SCLT1: variants seen among roughly 807,000 people sequenced by gnomAD.
SCLT1 encodes the protein sodium channel-associated protein 1.
SCLT1 carries 78 observed loss-of-function variants against 112.8 expected under a neutral mutation model. The observed-to-expected ratio is 0.69, with a 90% confidence interval of 0.58 to 0.83. SCLT1 has a LOEUF of 0.83. Among genes scored for constraint, SCLT1 ranks in the 40% least tolerant of loss-of-function variants. SCLT1 has a pLI of 0.00. For synonymous variants in SCLT1, 257 were observed against 254.7 expected (o/e 1.01, Z -0.09); for missense variants, 747 against 770.4 (o/e 0.97, Z 0.36).
In SCLT1 at chr4:128,999,813, A is replaced by G. The variant is rs1447317648; in HGVS notation, c.427-19T>C. 8.9e-6 allele frequency: 14 copies of G among 1,575,584 alleles called. No homozygotes were observed. Among genetic ancestry groups the G allele is most frequent in the Non-Finnish European group, 1.2e-5 (14 of 1,158,704 alleles). ...TTTTTTCCTATTAAAAAAGTTTGAT[A>G]ACTCATTAAATTATCAGCAGGCTAT... On this transcript the variant is annotated intron_variant, in intron 6 of 20. Coordinates refer to ENST00000281142, the MANE Select transcript of SCLT1 (RefSeq NM_144643.4).
chr4:128,908,846 C>T (rs750881779), intron 18 of SCLT1, among the ~76,000 whole-genome samples: 34 of 152,284 alleles, frequency 2.2e-4, no homozygotes, highest in African/African-American at 6.3e-4. Flanking sequence ...CAGGAAACCA[C>T]GTGTTAAAGA....
chr4:128,947,527 C>T (rs929688988), intron 15 of SCLT1, among the ~76,000 whole-genome samples: 1 of 152,136 alleles, frequency 6.6e-6, no homozygotes, highest in Non-Finnish European at 1.5e-5. Context: ...CATAGCTCTC[C>T]TTTGAAAATC....
downstream of SCLT1, among the ~76,000 whole-genome samples, chr4:128,883,113 T>C (rs1248537438): frequency 7.6e-6 from 1 of 131,210 alleles, no homozygotes; most frequent in Non-Finnish European, 1.5e-5. Flanking sequence ...GCCTCTGTAC[T>C]CCAGCCTGGT....
chr4:128,887,791 A>G (rs924115278), intron 20 of SCLT1, among the ~76,000 whole-genome samples: 1 of 152,184 alleles, frequency 6.6e-6, no homozygotes, highest in African/African-American at 2.4e-5. Flanking sequence ...GACAACTTTT[A>G]TATTGTATTT....
At chr4:128,987,289 G>A (rs1454006189) in intron 9 of SCLT1, among the ~76,000 whole-genome samples, 1 of 152,132 alleles carries the variant, frequency 6.6e-6, no homozygotes, top group Non-Finnish European at 1.5e-5. Flanking sequence ...CTCAGATACC[G>A]ATGAGCATCC....
At chr4:129,083,187 A>G (rs1579965148) in intron 1 of SCLT1, among the ~76,000 whole-genome samples, 1 of 15,796 alleles carries the variant, frequency 6.3e-5, no homozygotes, top group African/African-American at 7.1e-5. Context: ...TGAGACTCTG[A>G]AAAAAAAAAA....
At chr4:128,948,811 T>C (rs748157631) in intron 14 of SCLT1, among the ~76,000 whole-genome samples, 1 of 152,090 alleles carries the variant, frequency 6.6e-6, no homozygotes, top group Non-Finnish European at 1.5e-5. Context: ...GTTGGGGGAT[T>C]CCAGGGAGAA....
At chr4:129,088,879 A>C (rs1579982980) in intron 1 of SCLT1, among the ~76,000 whole-genome samples, 2 of 152,266 alleles carry the variant, frequency 1.3e-5, no homozygotes, top group East Asian at 1.9e-4. Flanking sequence ...CTTAAATGTA[A>C]GACCTAAAAC....
intron 9 of SCLT1, among the ~76,000 whole-genome samples, chr4:128,978,883 G>GAAATAA (rs1335740125): frequency 2.8e-4 from 43 of 152,180 alleles, no homozygotes; most frequent in African/African-American, 7.9e-4. Flanking sequence ...AGAAATGGGG[G>GAAATAA]TACAATATAA....
chr4:129,020,412 A>G (rs1356654073), intron 5 of SCLT1, among the ~76,000 whole-genome samples: 1 of 152,246 alleles, frequency 6.6e-6, no homozygotes, highest in African/African-American at 2.4e-5. Flanking sequence ...GCCAATGATT[A>G]GATTATAATT....
intron 5 of SCLT1, among the ~76,000 whole-genome samples, chr4:129,006,740 G>A (rs1039235407): frequency 3.3e-5 from 5 of 151,958 alleles, no homozygotes; most frequent in African/African-American, 4.8e-5. Flanking sequence ...CCAATCTTGC[G>A]TTTCTAATGC....
chr4:128,951,809 T>C (rs754685118), intron 14 of SCLT1, among the ~76,000 whole-genome samples: 12 of 152,142 alleles, frequency 7.9e-5, no homozygotes, highest in Non-Finnish European at 1.3e-4. Context: ...TTAAAATAAG[T>C]GACATTAAAC....
intron 2 of SCLT1, among the ~76,000 whole-genome samples, chr4:129,077,881 A>C (rs1751598903): frequency 6.6e-6 from 1 of 152,244 alleles, no homozygotes; most frequent in Admixed American, 6.5e-5. Flanking sequence ...CATATGGCCA[A>C]GGATATGGGC....
chr4:128,986,571 A>G (rs1742113752), intron 9 of SCLT1, among the ~76,000 whole-genome samples: 1 of 152,118 alleles, frequency 6.6e-6, no homozygotes, highest in Admixed American at 6.6e-5. Context: ...CTGCTCAGGG[A>G]AAGGGGAAGA....
chr4:128,918,717 C>G (rs548914716), intron 18 of SCLT1, among the ~76,000 whole-genome samples: 51 of 152,088 alleles, frequency 3.4e-4, no homozygotes, highest in African/African-American at 1.2e-3. Flanking sequence ...TACCCGTAGG[C>G]TCAAAATAAA....
At chr4:129,083,515 G>A (rs1752139505) in intron 1 of SCLT1, among the ~76,000 whole-genome samples, 1 of 151,270 alleles carries the variant, frequency 6.6e-6, no homozygotes. Flanking sequence ...CTTTTGGCCA[G>A]GCATGGTAGC....
At chr4:128,913,785 C>T (rs1048043628) in intron 18 of SCLT1, among the ~76,000 whole-genome samples, 3 of 152,168 alleles carry the variant, frequency 2.0e-5, no homozygotes, top group Non-Finnish European at 2.9e-5. Flanking sequence ...TTAGCACTCA[C>T]CATCTATCAC....
At chr4:129,022,206 A>G (rs755209234) in intron 5 of SCLT1, among the ~76,000 whole-genome samples, 1 of 152,260 alleles carries the variant, frequency 6.6e-6, no homozygotes, top group Non-Finnish European at 1.5e-5. Flanking sequence ...GCAAAAACGC[A>G]GAAAATTCCA....
downstream of SCLT1, among the ~76,000 whole-genome samples, chr4:128,882,818 T>C (rs1732672035): frequency 6.6e-6 from 1 of 152,024 alleles, no homozygotes; most frequent in Non-Finnish European, 1.5e-5. Context: ...GGAACTGATA[T>C]TTGAGTAGAG....
Sources: gnomAD v4.1 joint callset for allele counts (sites outside exome capture counted in the v4.1 genomes callset) on GRCh38, gnomAD v4.1.1 for gene constraint, MANE v1.5 for transcripts, NCBI Gene and HGNC (gene_info 2026-07-23, HGNC 2026-07-21) for gene names.